The following PRSS23 variants were observed in gnomAD, a reference collection of about 807,000 sequenced individuals.
PRSS23 encodes serine protease 23, also known as protease, serine 23.
PRSS23 carries 25 observed loss-of-function variants against 34.7 expected under a neutral mutation model. The ratio of observed to expected loss-of-function variants is 0.72; its 90% CI spans 0.53 to 1.01. The LOEUF (loss-of-function observed/expected upper bound fraction) is 1.01, where lower values mean the gene tolerates loss of function less well. Among genes scored for constraint, PRSS23 ranks in the 50% least tolerant of loss-of-function variants. The pLI is 0.00. For missense variants in PRSS23, 445 were observed against 475.6 expected, an observed-to-expected ratio of 0.94 and a Z score of 0.60; for synonymous variants, 176 against 186.6, an observed-to-expected ratio of 0.94 and a Z score of 0.46.
chr11:86,943,131 G>T (rs1287157118), intron 2 of PRSS23, among the ~76,000 whole-genome samples: 3 of 152,250 alleles, frequency 2.0e-5, no homozygotes, highest in Non-Finnish European at 2.9e-5. Context: ...GTGGGCAAGA[G>T]ACCAGCCAAG....
At chr11:86,877,499 A>T (rs1048496488) in intron 2 of PRSS23, among the ~76,000 whole-genome samples, 1 of 152,164 alleles carries the variant, frequency 6.6e-6, no homozygotes, top group Admixed American at 6.5e-5. Flanking sequence ...ATTTTGAATT[A>T]TTATAACTTT....
chr11:86,862,156 C>T (rs2511878), intron 2 of PRSS23, among the ~76,000 whole-genome samples: 32,876 of 151,780 alleles, frequency 0.22, 4,292 homozygotes, highest in African/African-American at 0.34. Context: ...TGTTATTCCT[C>T]GCAATATCTC....
chr11:86,902,112 G>C (rs1323448250), intron 2 of PRSS23, among the ~76,000 whole-genome samples: 8 of 152,116 alleles, frequency 5.3e-5, no homozygotes, highest in Non-Finnish European at 2.9e-5. Context: ...AGATGGGAGT[G>C]TGTCTAAGCA....
exon 3 of PRSS23, chr11:86,951,572 AG>A: frequency 6.2e-7 from 1 of 1,614,164 alleles, no homozygotes; most frequent in Non-Finnish European, 8.5e-7. Flanking sequence ...ATAAGTAAAG[AG>A]GGGAGCCACC....
intron 2 of PRSS23, among the ~76,000 whole-genome samples, chr11:86,895,339 T>C (rs1754656149): frequency 6.6e-6 from 1 of 152,078 alleles, no homozygotes; most frequent in Non-Finnish European, 1.5e-5. Context: ...GGATAATAAA[T>C]CCAGCTTGCA....
At chr11:86,913,874 T>G (rs1232590625) in intron 2 of PRSS23, among the ~76,000 whole-genome samples, 1 of 150,950 alleles carries the variant, frequency 6.6e-6, no homozygotes, top group Non-Finnish European at 1.5e-5. Flanking sequence ...CTAAGAAAAG[T>G]CAGAGAAGCT....
chr11:86,891,225 G>C (rs1948839220), intron 2 of PRSS23, among the ~76,000 whole-genome samples: 1 of 152,152 alleles, frequency 6.6e-6, no homozygotes, highest in Admixed American at 6.5e-5. Context: ...TTCAGGTAAT[G>C]GCAGTTTATT....
intron 2 of PRSS23, among the ~76,000 whole-genome samples, chr11:86,944,102 C>T (rs1450439072): frequency 2.6e-5 from 4 of 152,012 alleles, no homozygotes; most frequent in Non-Finnish European, 5.9e-5. Context: ...GTTGTGTTCT[C>T]CTGGAGGATC....
intron 2 of PRSS23, among the ~76,000 whole-genome samples, chr11:86,831,750 C>T (rs1439223312): frequency 6.6e-6 from 1 of 151,670 alleles, no homozygotes; most frequent in Non-Finnish European, 1.5e-5. Context: ...TGTCATAATG[C>T]TTGTACACCT....
intron 2 of PRSS23, among the ~76,000 whole-genome samples, chr11:86,897,708 T>C (rs1376748018): frequency 1.3e-5 from 2 of 152,144 alleles, no homozygotes; most frequent in African/African-American, 4.8e-5. Context: ...TGGCCTCAAG[T>C]GATCCTCCTG....
At position 86,800,568 on chromosome 11, in the gene PRSS23, A is replaced by G. The variant is rs531054374; in HGVS notation, c.-97A>G. ...CACTCGGCTGTGCGGCGGGGCAGGC[A>G]TGGGAGCCGCGCGCTCTCTCCCGGC... On this transcript the variant is annotated 5_prime_UTR_variant, in exon 1 of 2. The change abolishes an upstream ATG in the 5' untranslated region. Transcript: ENST00000280258. The G allele has an allele frequency of 1.1e-4, 107 of 984,664 alleles. No individual in the cohort carries two copies. In the Admixed American group the frequency reaches 1.4e-3, roughly 13 times the overall value. The allele number at this position is 984,664 out of a possible 1,614,324, so 61.0% of individuals were successfully genotyped here. A position where few individuals can be genotyped will look rare whatever the true frequency, so the allele number is the denominator to read the frequency against.
chr11:86,860,005 A>G (rs890311236), intron 2 of PRSS23, among the ~76,000 whole-genome samples: 2 of 151,894 alleles, frequency 1.3e-5, no homozygotes, highest in Non-Finnish European at 2.9e-5. Context: ...CCAACCTGTG[A>G]TGTTGATCCT....
chr11:86,822,633 A>C (rs921587199), intron 1 of PRSS23, among the ~76,000 whole-genome samples: 1 of 151,838 alleles, frequency 6.6e-6, no homozygotes, highest in African/African-American at 2.4e-5. Flanking sequence ...AAAAAAAAAA[A>C]AAAAAAATGC....
chr11:86,831,368 C>A (rs1948354062), intron 2 of PRSS23, among the ~76,000 whole-genome samples: 1 of 151,416 alleles, frequency 6.6e-6, no homozygotes, highest in Admixed American at 6.6e-5. Flanking sequence ...CCTCATGTCA[C>A]AGGGTGTGTA....
At chr11:86,822,195 T>A (rs1948257254) in intron 1 of PRSS23, among the ~76,000 whole-genome samples, 1 of 152,114 alleles carries the variant, frequency 6.6e-6, no homozygotes, top group Admixed American at 6.5e-5. Flanking sequence ...GAAAAACGTG[T>A]CTTTGTGAAG....
chr11:86,822,198 T>C (rs1423682191), intron 1 of PRSS23, among the ~76,000 whole-genome samples: 1 of 152,126 alleles, frequency 6.6e-6, no homozygotes. Context: ...AAACGTGTCT[T>C]TGTGAAGTTT....
At chr11:86,863,043 C>A (rs964105416) in intron 2 of PRSS23, among the ~76,000 whole-genome samples, 1 of 152,056 alleles carries the variant, frequency 6.6e-6, no homozygotes, top group African/African-American at 2.4e-5. Context: ...TGTGGGAGCA[C>A]ATCCTGTGAT....
rs987956691 is a variant in PRSS23 at position 86,845,062 on chromosome 11, TG to T, written c.206+21472del. Among the ~76,000 whole-genome samples, 3 of 149,972 alleles carry T rather than the reference TG, an allele frequency of 2.0e-5. No homozygotes were observed. The Admixed American group carries it at 2.0e-4, about 10-fold the overall frequency. ...GAGATCACACCATTGCACTTCAGCC[TG>T]GGTAACAAGAGTGAAACTCTGTCTC... On this transcript the variant is annotated intron_variant, in intron 2 of 2. Transcript: ENST00000533902.
In PRSS23 at chr11:86,847,936, A is replaced by C. The variant is rs563662280; in HGVS notation, c.206+24343A>C. ...GAGGCCCACAATTACCTCCATATTC[A>C]GGGCCTCTTCCCTCAGCCCCACTCT... On this transcript the variant is annotated intron_variant, in intron 2 of 2. Transcript: ENST00000533902. 6.8e-4 allele frequency among the ~76,000 whole-genome samples: 103 copies of C among 152,248 alleles called. 1 individual carries two copies. Among genetic ancestry groups the C allele is most frequent in the African/African-American group, 2.4e-3 (101 of 41,552 alleles).
Sources: gnomAD v4.1 joint callset for allele counts (sites outside exome capture counted in the v4.1 genomes callset) on GRCh38, gnomAD v4.1.1 for gene constraint, MANE v1.5 for transcripts, NCBI Gene and HGNC (gene_info 2026-07-23, HGNC 2026-07-21) for gene names.